The following NFAT5 variants were observed in gnomAD, a reference collection of about 807,000 sequenced individuals.
NFAT5 encodes nuclear factor of activated T-cells 5.
A neutral mutation model predicts 166.5 loss-of-function variants in NFAT5; 31 were observed. The ratio of observed to expected loss-of-function variants is 0.19; its 90% CI spans 0.14 to 0.25. NFAT5 has a LOEUF of 0.25. Among genes scored for constraint, NFAT5 ranks in the 10% least tolerant of loss-of-function variants. The probability of loss-of-function intolerance (pLI) is 1.00; values close to 1 mark genes in which losing one functional copy is unlikely to be tolerated. For missense variants in NFAT5, 1,449 were observed against 1,821.8 expected (o/e 0.80, Z 3.72); for synonymous variants, 612 against 639.7 (o/e 0.96, Z 0.65).
rs2037769439 is a variant in NFAT5 at position 69,696,445 on chromosome 16, T to C, written c.*94T>C. On this transcript the variant is annotated 3_prime_UTR_variant, in exon 15 of 15. Transcript: ENST00000349945. ...TTATTACTTTAAAAACAAAACAAAA[T>C]ATAAAAAACTGTGTTTGAGTAAACT... 2.0e-5 allele frequency: 3 copies of C among 152,522 alleles called. 1 individual carries two copies. The South Asian group carries it at 6.2e-4, about 32-fold the overall frequency. The allele number at this position is 152,522 out of a possible 1,614,324, so 9.4% of individuals were successfully genotyped here. A position where few individuals can be genotyped will look rare whatever the true frequency, so the allele number is the denominator to read the frequency against.
intron 3 of NFAT5, among the ~76,000 whole-genome samples, chr16:69,642,651 T>C (rs890344926): frequency 2.6e-5 from 4 of 151,890 alleles, no homozygotes; most frequent in Non-Finnish European, 4.4e-5. Flanking sequence ...AAACTATCTC[T>C]ACTAAAAATA....
chr16:69,693,408 GAAC>G lies in NFAT5; in HGVS notation c.3589_3591del (p.Gln1197del), dbSNP rs765782286. ...TCCACTTCAGTCAACATCAAACAGT[GAAC>G]AACAAGCTGCTTTCCAACAGCAAGC... On this transcript the variant is annotated inframe_deletion, in exon 13 of 15. Transcript: ENST00000349945. The G allele has an allele frequency of 1.9e-6, 3 of 1,614,004 alleles. No individual in the cohort carries two copies. Among genetic ancestry groups the G allele is most frequent in the African/African-American group, 2.7e-5 (2 of 74,896 alleles).
chr16:69,644,512 G>T (rs1439752356), intron 3 of NFAT5, among the ~76,000 whole-genome samples: 3 of 152,168 alleles, frequency 2.0e-5, no homozygotes, highest in African/African-American at 7.2e-5. Flanking sequence ...ACACAATCGT[G>T]TGTTAGCTGT....
chr16:69,568,492 C>A lies in NFAT5; in HGVS notation c.74-3C>A. The A allele has an allele frequency of 6.2e-7, 1 of 1,610,264 alleles. No individual in the cohort carries two copies. Among genetic ancestry groups the A allele is most frequent in the South Asian group, 1.1e-5 (1 of 90,440 alleles). ...AGTACCTAATGCTTTTTGTGTTTTTCAGATTCTCTGAAGTTACACCCATCA... is the reference window on the plus strand; with the variant it reads ...AGTACCTAATGCTTTTTGTGTTTTTAAGATTCTCTGAAGTTACACCCATCA... On this transcript the variant is annotated splice_polypyrimidine_tract_variant and splice_region_variant and intron_variant, in intron 1 of 14. Transcript: ENST00000349945.
chr16:69,683,519 C>T (rs2037159523), intron 10 of NFAT5, among the ~76,000 whole-genome samples: 2 of 151,784 alleles, frequency 1.3e-5, no homozygotes, highest in South Asian at 4.2e-4. Flanking sequence ...TGACAGAGCC[C>T]CAGACCCTGT....
chr16:69,656,772 C>T (rs944925561), intron 6 of NFAT5, among the ~76,000 whole-genome samples: 2 of 152,232 alleles, frequency 1.3e-5, no homozygotes, highest in Admixed American at 1.3e-4. Flanking sequence ...TCAGCAGAGA[C>T]TATGAAGTGC....
intron 4 of NFAT5, among the ~76,000 whole-genome samples, chr16:69,651,535 T>C (rs1487962772): frequency 6.6e-6 from 1 of 152,214 alleles, no homozygotes; most frequent in Non-Finnish European, 1.5e-5. Context: ...ATATTCCTAC[T>C]GGAATCTGGT....
At chr16:69,603,176 A>C (rs2033228423) in intron 2 of NFAT5, among the ~76,000 whole-genome samples, 1 of 152,118 alleles carries the variant, frequency 6.6e-6, no homozygotes, top group Non-Finnish European at 1.5e-5. Context: ...ATTTGAAGTG[A>C]CTTTTTATTT....
intron 2 of NFAT5, among the ~76,000 whole-genome samples, chr16:69,595,960 G>C (rs1032639433): frequency 6.6e-6 from 1 of 152,152 alleles, no homozygotes; most frequent in Non-Finnish European, 1.5e-5. Flanking sequence ...GATGGAGCTG[G>C]ACTCGCAGGT....
chr16:69,670,222 T>TC lies in NFAT5; in HGVS notation c.1505-14_1505-13insC. ...AGTTCAAAAATTTAATAAATCACTT[T>TC]TTATTTCAATCAGATGAAAACTCTT... On this transcript the variant is annotated splice_polypyrimidine_tract_variant and intron_variant, in intron 8 of 14. Coordinates refer to ENST00000349945, the MANE Select transcript of NFAT5 (RefSeq NM_138713.4). 1 of 1,583,816 alleles carries TC rather than the reference T, an allele frequency of 6.3e-7. No individual in the cohort carries two copies. Among genetic ancestry groups the TC allele is most frequent in the Middle Eastern group, 1.7e-4 (1 of 5,952 alleles).
intron 1 of NFAT5, among the ~76,000 whole-genome samples, chr16:69,567,602 A>G (rs975569563): frequency 6.6e-6 from 1 of 152,158 alleles, no homozygotes; most frequent in African/African-American, 2.4e-5. Context: ...TCAGAGTGAG[A>G]TGGTTTACTC....
chr16:69,680,918 C>T (rs2037033049), intron 10 of NFAT5, among the ~76,000 whole-genome samples: 1 of 152,108 alleles, frequency 6.6e-6, no homozygotes, highest in Admixed American at 6.6e-5. Context: ...CACCACCACA[C>T]CTGGCTAATT....
intron 10 of NFAT5, among the ~76,000 whole-genome samples, chr16:69,678,583 A>C (rs1309069982): frequency 6.6e-6 from 1 of 152,210 alleles, no homozygotes; most frequent in Non-Finnish European, 1.5e-5. Flanking sequence ...GCATTCATTT[A>C]GATGCCTGAA....
chr16:69,599,410 C>T (rs2033001839), intron 2 of NFAT5, among the ~76,000 whole-genome samples: 1 of 152,110 alleles, frequency 6.6e-6, no homozygotes, highest in Admixed American at 6.5e-5. Flanking sequence ...AACCCTGTCT[C>T]TCCTAAAAAT....
intron 3 of NFAT5, among the ~76,000 whole-genome samples, chr16:69,637,527 G>A (rs569174133): frequency 2.4e-4 from 37 of 152,302 alleles, no homozygotes; most frequent in African/African-American, 7.9e-4. Context: ...GAATCATGGT[G>A]GGAGGCAAAA....
At position 69,608,030 on chromosome 16, in the gene NFAT5, G is replaced by A. The variant is rs182710209; in HGVS notation, c.128-18373G>A. Among the ~76,000 whole-genome samples the A allele has an allele frequency of 1.9e-4, 29 of 152,182 alleles. No individual in the cohort carries two copies. In the East Asian group the frequency reaches 3.7e-3, roughly 19 times the overall value. On this transcript the variant is annotated intron_variant, in intron 2 of 14. Coordinates refer to ENST00000349945, the MANE Select transcript of NFAT5 (RefSeq NM_138713.4). ...GAAATTAGAAAACTAAATGCTTATG[G>A]TAGTATAATCATGTAACAGTGTACT...
At chr16:69,577,897 G>A (rs1466794152) in intron 2 of NFAT5, among the ~76,000 whole-genome samples, 1 of 152,016 alleles carries the variant, frequency 6.6e-6, no homozygotes, top group Non-Finnish European at 1.5e-5. Flanking sequence ...GGAAGCTGAG[G>A]TGGGAGGATC....
chr16:69,632,008 A>G (rs1357495531), intron 3 of NFAT5: 1 of 152,206 alleles, frequency 6.6e-6, no homozygotes, highest in Non-Finnish European at 1.5e-5. Context: ...AATCTCAAGT[A>G]TGTAACAAGT....
At chr16:69,646,656 A>G (rs1038521973) in intron 3 of NFAT5, 12 of 443,420 alleles carry the variant, frequency 2.7e-5, no homozygotes, top group Non-Finnish European at 3.8e-5. Flanking sequence ...TTTAATTGGC[A>G]TTGAATGTGG....
Sources: allele counts gnomAD v4.1 joint callset (sites outside exome capture counted in the v4.1 genomes callset), GRCh38; gene constraint gnomAD v4.1.1; transcripts MANE v1.5; gene names NCBI Gene and HGNC (gene_info 2026-07-23, HGNC 2026-07-21).